Variants in FBXO3 observed in about 807,000 individuals in gnomAD.
FBXO3 encodes the protein F-box only protein 3.
Under a neutral mutation model 64.8 loss-of-function variants are expected in FBXO3, and 17 were observed. The ratio of observed to expected loss-of-function variants is 0.26; its 90% confidence interval spans 0.18 to 0.39. The LOEUF (loss-of-function observed/expected upper bound fraction) is 0.39, where lower values mean the gene tolerates loss of function less well. Among genes scored for constraint, FBXO3 ranks in the 10% least tolerant of loss-of-function variants. The pLI is 1.00. For synonymous variants in FBXO3, 182 were observed against 201.6 expected (o/e 0.90, Z 0.82); for missense variants, 420 against 589.9 (o/e 0.71, Z 2.98).
intron 3 of FBXO3, chr11:33,763,300 T>C: frequency 2.3e-6 from 1 of 442,670 alleles, no homozygotes; most frequent in Non-Finnish European, 4.6e-6. Flanking sequence ...ACAAGAACAT[T>C]GCAAGAAAGG....
At chr11:33,765,068 A>G (rs1241657003) in intron 3 of FBXO3, among the ~76,000 whole-genome samples, 1 of 152,232 alleles carries the variant, frequency 6.6e-6, no homozygotes, top group Non-Finnish European at 1.5e-5. Context: ...ACTAAATGCA[A>G]TGTGGTATTC....
chr11:33,754,869 C>CTT lies in FBXO3; in HGVS notation c.679-371_679-370dup, dbSNP rs35020100. On this transcript the variant is annotated intron_variant, in intron 5 of 10. Coordinates refer to ENST00000265651, the MANE Select transcript of FBXO3 (RefSeq NM_012175.4). ...ATGTCTCAACTATGAAAAGCATTTT[C>CTT]TTTTTTTTTTTTTTGAGAGGGAGCC... 1.7e-3 allele frequency among the ~76,000 whole-genome samples: 252 copies of CTT among 144,042 alleles called. 1 individual carries two copies. Among genetic ancestry groups the CTT allele is most frequent in the East Asian group, 6.2e-3 (31 of 4,984 alleles). The allele number at this position is 144,042 out of a possible 152,430, so 94.5% of individuals were successfully genotyped here. A position where few individuals can be genotyped will look rare whatever the true frequency, so the allele number is the denominator to read the frequency against.
At chr11:33,758,044 A>C (rs914901999) in intron 4 of FBXO3, among the ~76,000 whole-genome samples, 3 of 152,136 alleles carry the variant, frequency 2.0e-5, no homozygotes, top group African/African-American at 7.2e-5. Flanking sequence ...TGTGTTTAAT[A>C]TGACAAAACA....
chr11:33,754,179 T>C, intron 6 of FBXO3: 3 of 309,460 alleles, frequency 9.7e-6, no homozygotes, highest in Non-Finnish European at 1.8e-5. Flanking sequence ...TATATACACA[T>C]TCACAGCACT....
In FBXO3 at chr11:33,750,481, A is replaced by G. The variant is rs879156765; in HGVS notation, c.932+58T>C. ...TCATGTCAAATGGGACAATAGCAAC[A>G]TGTCCATTGGATATATCCCACCATT... On this transcript the variant is annotated intron_variant, in intron 8 of 10. Transcript: ENST00000265651. 1.9e-6 allele frequency: 3 copies of G among 1,575,416 alleles called. No homozygotes were observed. In the South Asian group the frequency reaches 3.4e-5, roughly 18 times the overall value.
intron 3 of FBXO3, among the ~76,000 whole-genome samples, chr11:33,766,343 C>T (rs916789771): frequency 3.9e-5 from 6 of 152,166 alleles, no homozygotes; most frequent in African/African-American, 1.4e-4. Flanking sequence ...CATATTATAG[C>T]CCACACTCCA....
chr11:33,758,366 G>A, intron 4 of FBXO3, 121 bp downstream of exon 4: 2 of 591,234 alleles, frequency 3.4e-6, no homozygotes, highest in Non-Finnish European at 5.5e-6. Flanking sequence ...CTATAAAGGA[G>A]AAAGAGGGAA....
Position 33,746,680 on chromosome 11 carries a change from T to A in FBXO3, c.1239+450A>T, listed in dbSNP as rs567244282. The A allele has an allele frequency of 4.1e-6, 5 of 1,226,302 alleles. No individual in the cohort carries two copies. The East Asian group carries it at 1.3e-4, about 31-fold the overall frequency. 76.0% of individuals were successfully genotyped at this position (1,226,302 alleles called of 1,614,324 possible). Reference sequence around the variant, plus strand: ...CCTAAAAACGAGATTTTAAAAAATATACCTAGTTGACTTAAGAAATGATCC... The same window carrying A: ...CCTAAAAACGAGATTTTAAAAAATAAACCTAGTTGACTTAAGAAATGATCC... On this transcript the variant is annotated intron_variant, in intron 10 of 10. Transcript: ENST00000265651.
At chr11:33,768,072 G>A (rs1855420236) in intron 3 of FBXO3, among the ~76,000 whole-genome samples, 1 of 152,162 alleles carries the variant, frequency 6.6e-6, no homozygotes, top group Admixed American at 6.5e-5. Flanking sequence ...TAGTTCTAAA[G>A]GGAAGAAAAT....
intron 3 of FBXO3, among the ~76,000 whole-genome samples, chr11:33,760,833 T>C (rs1163278556): frequency 6.6e-6 from 1 of 152,170 alleles, no homozygotes; most frequent in Non-Finnish European, 1.5e-5. Context: ...AAGGAATTCT[T>C]CATGTGGAAG....
chr11:33,754,454 C>A lies in FBXO3; in HGVS notation c.724+1G>T. 1.3e-6 allele frequency: 2 copies of A among 1,576,852 alleles called. No homozygotes were observed. The highest frequency in any genetic ancestry group is 1.9e-5 in the Admixed American group (1 of 52,294). On this transcript the variant is annotated splice_donor_variant, in intron 6 of 10. Coordinates refer to ENST00000265651, the MANE Select transcript of FBXO3 (RefSeq NM_012175.4). LOFTEE classifies it high-confidence loss of function. ...GGAAAAAAGACTTTTTTCTTTCCTA[C>A]CTATAATAAACATGTCAATAGCAGC...
At chr11:33,746,871 T>C (rs1429158722) in intron 10 of FBXO3, 2 of 1,417,178 alleles carry the variant, frequency 1.4e-6, no homozygotes, top group Non-Finnish European at 1.8e-6. Context: ...GTGGTATTTC[T>C]CATAATCTAC....
At chr11:33,750,449 T>C in intron 8 of FBXO3, 90 bp downstream of exon 8, 1 of 1,454,896 alleles carries the variant, frequency 6.9e-7, no homozygotes, top group Admixed American at 1.9e-5. Flanking sequence ...AAAATGTGTC[T>C]TACATATCAT....
chr11:33,758,313 T>C (rs1855158395), intron 4 of FBXO3, among the ~76,000 whole-genome samples, 174 bp downstream of exon 4: 2 of 152,236 alleles, frequency 1.3e-5, no homozygotes, highest in South Asian at 4.1e-4. Context: ...ATATTTATTT[T>C]GGTAAAATCT....
chr11:33,768,914 C>A lies in FBXO3; in HGVS notation c.295G>T (p.Ala99Ser). The change falls in exon 3 of 11, where the codon GCC becomes TCC. Residue 99 changes from alanine to serine, a missense_variant. Transcript: ENST00000265651. The stretch of plus-strand genomic sequence containing the variant: ...AAATATTTCTTGAGATCATCCCAGG[C>A]CTTTTTAATAGCAGCATAATGGTCA... ...YIDHYAAIKK[A>S]WDDLKKYLEP... 6.2e-7 allele frequency: 1 copy of A among 1,614,086 alleles called. No homozygotes were observed. The highest frequency in any genetic ancestry group is 8.5e-7 in the Non-Finnish European group (1 of 1,179,968).
At chr11:33,756,871 G>A (rs1855109874) in intron 4 of FBXO3, among the ~76,000 whole-genome samples, 1 of 152,060 alleles carries the variant, frequency 6.6e-6, no homozygotes, top group Non-Finnish European at 1.5e-5. Context: ...ATAAGTGCAT[G>A]CTACCAAGTC....
At chr11:33,772,579 T>A (rs1855535545) in intron 1 of FBXO3, 1 of 152,262 alleles carries the variant, frequency 6.6e-6, no homozygotes, top group Non-Finnish European at 1.5e-5. Context: ...TACTTTTCCC[T>A]CTGCCAGAAC....
In FBXO3 at chr11:33,761,806, T is replaced by G. The variant is rs555043032; in HGVS notation, c.359-3205A>C. On this transcript the variant is annotated intron_variant, in intron 3 of 10. Transcript: ENST00000265651. Reference sequence around the variant, plus strand: ...TTGGCAGAATTCAATTCCTTAGGACTGAGGCCCTCAGCTCCTGGAGGCCAC... The same window carrying G: ...TTGGCAGAATTCAATTCCTTAGGACGGAGGCCCTCAGCTCCTGGAGGCCAC... Among the ~76,000 whole-genome samples the G allele has an allele frequency of 2.0e-5, 3 of 152,296 alleles. No homozygotes were observed. In the East Asian group the frequency reaches 5.8e-4, roughly 29 times the overall value.
At chr11:33,765,199 C>T (rs895263787) in intron 3 of FBXO3, among the ~76,000 whole-genome samples, 1 of 151,920 alleles carries the variant, frequency 6.6e-6, no homozygotes, top group East Asian at 1.9e-4. Context: ...CATAAATGTC[C>T]CACAGTGGGA....
Sources: gnomAD v4.1 joint callset for allele counts (sites outside exome capture counted in the v4.1 genomes callset) on GRCh38, gnomAD v4.1.1 for gene constraint, MANE v1.5 for transcripts, NCBI Gene and HGNC (gene_info 2026-07-23, HGNC 2026-07-21) for gene names.